Variants in NOTCH3 observed in about 807,000 individuals in gnomAD.
NOTCH3 encodes neurogenic locus notch homolog protein 3.
A neutral mutation model predicts 213.3 loss-of-function variants in NOTCH3; 86 were observed. The ratio of observed to expected loss-of-function variants is 0.40; its 90% confidence interval spans 0.34 to 0.48. The LOEUF (loss-of-function observed/expected upper bound fraction) is 0.48. NOTCH3 is among the 20% of genes least tolerant of loss of function. The probability of loss-of-function intolerance (pLI) is 0.57; values close to 1 mark genes in which losing one functional copy is unlikely to be tolerated. For synonymous variants in NOTCH3, 1,354 were observed against 1,355.9 expected, an observed-to-expected ratio of 1.00 and a Z score of 0.03; for missense variants, 2,783 against 3,272.6, an observed-to-expected ratio of 0.85 and a Z score of 3.65.
chr19:15,165,536 A>C lies in NOTCH3; in HGVS notation c.5668-21T>G. 1 of 1,609,454 alleles carries C rather than the reference A, an allele frequency of 6.2e-7. No individual in the cohort carries two copies. Among genetic ancestry groups the C allele is most frequent in the Non-Finnish European group, 8.5e-7 (1 of 1,179,936 alleles). ...AGAATCTAGGACAGAGAGTGGATGC[A>C]GCAGGAGGGGTCATGGCAGGAACAG... On this transcript the variant is annotated intron_variant, in intron 30 of 32. Transcript: ENST00000263388. The surrounding 1 kb of genome is among the most constrained non-coding windows in gnomAD (Gnocchi z 4.7).
At chr19:15,179,923 G>A (rs2046825136) in intron 20 of NOTCH3, 149 bp downstream of exon 20, 1 of 620,828 alleles carries the variant, frequency 1.6e-6, no homozygotes, top group East Asian at 2.7e-5. Flanking sequence ...TCTACCCAGA[G>A]TGACACCCAC....
At chr19:15,162,773 T>TTG (rs770008525) in intron 31 of NOTCH3, among the ~76,000 whole-genome samples, 27 of 5,270 alleles carry the variant, frequency 5.1e-3, no homozygotes, top group East Asian at 0.018. Context: ...GTGTGTGTGT[T>TTG]TGTGTGTGTG....
rs2046622028 is a variant in NOTCH3 at position 15,159,451 on chromosome 19, G to A, written c.*1211C>T. The A allele has an allele frequency of 5.4e-6, 1 of 186,410 alleles. No individual in the cohort carries two copies. Among genetic ancestry groups the A allele is most frequent in the South Asian group, 2.0e-4 (1 of 5,110 alleles). The allele number at this position is 186,410 out of a possible 1,614,324, so 11.5% of individuals were successfully genotyped here. ...CGAGCAAAAGAATCTGATTGGCTCA[G>A]CTTAAGTCAGGTGACAACCACTAAT... On this transcript the variant is annotated 3_prime_UTR_variant, in exon 33 of 33. Transcript: ENST00000263388.
At chr19:15,182,024 A>G (rs992659222) in intron 16 of NOTCH3, among the ~76,000 whole-genome samples, 1 of 152,226 alleles carries the variant, frequency 6.6e-6, no homozygotes, top group Non-Finnish European at 1.5e-5. Flanking sequence ...TGGGAAAACC[A>G]AAAGGTCCCT....
intron 6 of NOTCH3, among the ~76,000 whole-genome samples, chr19:15,190,058 T>TGAGTTCAA (rs574288943): frequency 4.6e-5 from 7 of 151,984 alleles, no homozygotes; most frequent in Non-Finnish European, 1.0e-4. Context: ...GTGCATCGCT[T>TGAGTTCAA]GAGTTCAAGA....
At position 15,179,061 on chromosome 19, in the gene NOTCH3, C is replaced by T. The variant is rs142798406; in HGVS notation, c.3682G>A (p.Gly1228Arg). The change falls in exon 22 of 33, where the codon GGA becomes AGA. Residue 1228 changes from glycine (G) to arginine (R), a missense_variant. By Grantham distance (125) the Gly-to-Arg change is moderately radical. Around this residue, in one of 6 missense-constraint regions of NOTCH3, gnomAD observed 861 missense variants for 909.1 expected, o/e 0.95. Coordinates refer to ENST00000263388, the MANE Select transcript of NOTCH3 (RefSeq NM_000435.3). ...HTRDCLQDPG[G>R]GFRCLCHAGF... ...GCATGACAAAGGCAACGGAAACCTCCGCCTGGGTCCTGCAGGCAGTCCCGG... is the reference window on the plus strand; with the variant it reads ...GCATGACAAAGGCAACGGAAACCTCTGCCTGGGTCCTGCAGGCAGTCCCGG... 6 of 1,614,222 alleles carry T rather than the reference C, an allele frequency of 3.7e-6. No homozygotes were observed. Among genetic ancestry groups the T allele is most frequent in the East Asian group, 2.2e-5 (1 of 44,884 alleles).
At chr19:15,192,943 T>C (rs1051752842) in intron 2 of NOTCH3, among the ~76,000 whole-genome samples, 5 of 151,736 alleles carry the variant, frequency 3.3e-5, no homozygotes, top group Non-Finnish European at 7.4e-5. Context: ...AAAACACACA[T>C]TCATTCATGC....
Position 15,192,143 on chromosome 19 carries a change from C to T in NOTCH3, c.496G>A (p.Glu166Lys). The T allele has an allele frequency of 1.9e-6, 3 of 1,612,904 alleles. No homozygotes were observed. The highest frequency in any genetic ancestry group is 2.5e-6 in the Non-Finnish European group (3 of 1,179,980). Residue 166 changes from glutamate to lysine, a missense_variant, in exon 4 of 33, where the codon GAG becomes AAG. By Grantham distance (56) the Glu-to-Lys change is moderately conservative. Transcript: ENST00000263388. ...CAGGTGCCACCATGGCGGCAGGGCTCACCCACCCGGCACTCATCCACGTCG... is the reference window on the plus strand; with the variant it reads ...CAGGTGCCACCATGGCGGCAGGGCTTACCCACCCGGCACTCATCCACGTCG... ...RSDVDECRVGEPCRHGGTCLN... is the reference protein window; with the variant it reads ...RSDVDECRVGKPCRHGGTCLN...
In NOTCH3 at chr19:15,180,958, C is replaced by T. The variant is rs1461673919; in HGVS notation, c.2994+3G>A. The stretch of plus-strand genomic sequence containing the variant: ...CCCCCAGGTCCCCAGTAACTCCACC[C>T]ACCTGGCACTGCGGGCCCGTGAAGC... On this transcript the variant is annotated splice_donor_region_variant and intron_variant, in intron 18 of 32. Coordinates refer to ENST00000263388, the MANE Select transcript of NOTCH3 (RefSeq NM_000435.3). The T allele has an allele frequency of 6.3e-7, 1 of 1,589,334 alleles. No individual in the cohort carries two copies. The highest frequency in any genetic ancestry group is 8.6e-7 in the Non-Finnish European group (1 of 1,168,864).
intron 25 of NOTCH3, among the ~76,000 whole-genome samples, chr19:15,173,659 G>T (rs1355837611): frequency 2.0e-5 from 3 of 151,366 alleles, no homozygotes; most frequent in African/African-American, 7.3e-5. Context: ...AACCCAGGAG[G>T]CAGAGGTTGC....
chr19:15,187,832 A>T (rs1173373728), intron 10 of NOTCH3, 49 bp downstream of exon 10: 1 of 1,463,218 alleles, frequency 6.8e-7, no homozygotes, highest in Admixed American at 2.0e-5. Context: ...CCTGTCGCCC[A>T]CAAGCCCCGC....
Position 15,173,086 on chromosome 19 carries a change from CTTCTTCTTCTTCTTCTTCTTTTTT to C in NOTCH3, c.4736+958_4736+981del, listed in dbSNP as rs1568351309. 1.7e-4 allele frequency among the ~76,000 whole-genome samples: 6 copies of C among 34,484 alleles called. 2 individuals are homozygous for C. Among genetic ancestry groups the C allele is most frequent in the Non-Finnish European group, 2.9e-4 (6 of 20,624 alleles). 22.6% of individuals were successfully genotyped at this position (34,484 alleles called of 152,430 possible). On this transcript the variant is annotated intron_variant, in intron 25 of 32. Transcript: ENST00000263388. ...TCTTCTTCTTCTTCTTCTTCTTCTT[CTTCTTCTTCTTCTTCTTCTTTTTT>C]TTTTTTTTTTTTTTTTTTAAGAGAT...
At chr19:15,170,242 TG>T (rs1408993845) in intron 27 of NOTCH3, 72 bp from the exon 28 acceptor site, 1 of 1,503,608 alleles carries the variant, frequency 6.7e-7, no homozygotes, top group African/African-American at 1.4e-5. Context: ...GGATTTGGGG[TG>T]GGGTCAGAGG....
chr19:15,178,977 G>A (rs769182799), intron 22 of NOTCH3, 36 bp from the exon 23 acceptor site: 1 of 1,614,126 alleles, frequency 6.2e-7, no homozygotes, highest in Non-Finnish European at 8.5e-7. Context: ...AGCCACAATG[G>A]GGGAATGACA....
intron 2 of NOTCH3, among the ~76,000 whole-genome samples, chr19:15,193,859 G>A (rs529116193): frequency 1.1e-4 from 17 of 151,494 alleles, no homozygotes; most frequent in South Asian, 2.1e-4. Context: ...TGAGGTGGGC[G>A]GATCACGAGG....
intron 2 of NOTCH3, 51 bp downstream of exon 2, chr19:15,197,449 C>T: frequency 2.4e-6 from 2 of 847,646 alleles, no homozygotes; most frequent in Non-Finnish European, 4.0e-6. Context: ...TCGCCCCTCC[C>T]CCCCGCCCCC....
In NOTCH3 at chr19:15,161,434, C is replaced by T. The variant is rs1045330309; in HGVS notation, c.6194G>A (p.Arg2065Lys). Residue 2065 changes from arginine (R) to lysine (K), a missense_variant, in exon 33 of 33, where the codon AGG becomes AAG. Arg to Lys is a conservative substitution (Grantham distance 26). Around this residue, in one of 6 missense-constraint regions of NOTCH3, gnomAD observed 441 missense variants for 432.1 expected, o/e 1.02. Coordinates refer to ENST00000263388, the MANE Select transcript of NOTCH3 (RefSeq NM_000435.3). ...AAQSGSKKSR[R>K]PPGKAGLGPQ... Reference sequence around the variant, plus strand: ...CCCCAGCCCCGCCTTCCCGGGGGGCCTCCTGCTCTTCTTGGACCCCGACTG... The same window carrying T: ...CCCCAGCCCCGCCTTCCCGGGGGGCTTCCTGCTCTTCTTGGACCCCGACTG... The T allele has an allele frequency of 6.5e-7, 1 of 1,542,910 alleles. No individual in the cohort carries two copies. The highest frequency in any genetic ancestry group is 8.8e-7 in the Non-Finnish European group (1 of 1,141,936).
Position 15,161,286 on chromosome 19 carries a change from G to C in NOTCH3, c.6342C>G (p.Pro2114=), listed in dbSNP as rs2046639917. The part of the protein sequence containing the change: ...SLDSPRPFGG[P]PASPGGFPLE... ...GGGGGAAGCCACCAGGGGAAGCAGG[G>C]GGCCCACCGAAAGGCCGCGGGGAGT... Residue 2114 remains proline (P), a synonymous_variant, in exon 33 of 33, where the codon CCC becomes CCG. Coordinates refer to ENST00000263388, the MANE Select transcript of NOTCH3 (RefSeq NM_000435.3). 1 of 1,537,394 alleles carries C rather than the reference G, an allele frequency of 6.5e-7. No individual in the cohort carries two copies. Among genetic ancestry groups the C allele is most frequent in the Non-Finnish European group, 8.7e-7 (1 of 1,144,500 alleles).
intron 9 of NOTCH3, 24 bp from the exon 10 acceptor site, chr19:15,188,018 A>G: frequency 6.5e-7 from 1 of 1,532,866 alleles, no homozygotes; most frequent in East Asian, 2.5e-5. Context: ...TGGGATGAGC[A>G]GAGGCCCAGA....
Sources: allele counts gnomAD v4.1 joint callset (sites outside exome capture counted in the v4.1 genomes callset), GRCh38; gene constraint gnomAD v4.1.1; regional missense constraint gnomAD v4.1.1; non-coding constraint Gnocchi (gnomAD v3.1); transcripts MANE v1.5; gene names NCBI Gene and HGNC (gene_info 2026-07-23, HGNC 2026-07-21).